The following GMDS variants were observed in gnomAD, a reference collection of about 807,000 sequenced individuals.
The protein encoded by GMDS is GDP-mannose 4,6 dehydratase.
In GMDS, 20 loss-of-function variants were observed where a neutral mutation model predicts 49.9. The ratio of observed to expected loss-of-function variants is 0.40; its 90% CI spans 0.28 to 0.58. GMDS has a LOEUF of 0.58. Among genes scored for constraint, GMDS ranks in the 20% least tolerant of loss-of-function variants. The pLI, the probability that GMDS is intolerant of heterozygous loss-of-function variation, is 0.42. For synonymous variants in GMDS, 177 were observed against 178.6 expected (o/e 0.99, Z 0.07); for missense variants, 362 against 481.4 (o/e 0.75, Z 2.32).
chr6:2,228,412 T>G (rs903678543), intron 1 of GMDS, among the ~76,000 whole-genome samples: 16 of 152,210 alleles, frequency 1.1e-4, no homozygotes, highest in African/African-American at 3.6e-4. Flanking sequence ...TGATCTGCCT[T>G]GAGCTGAGCC....
At chr6:2,174,143 T>C (rs1320791688) in intron 1 of GMDS, among the ~76,000 whole-genome samples, 1 of 152,214 alleles carries the variant, frequency 6.6e-6, no homozygotes, top group African/African-American at 2.4e-5. Context: ...ATTAAGCATC[T>C]TCTGTGTGCA....
chr6:2,006,040 T>C (rs1435765674), intron 4 of GMDS, among the ~76,000 whole-genome samples: 2 of 152,116 alleles, frequency 1.3e-5, no homozygotes, highest in African/African-American at 4.8e-5. Flanking sequence ...TCATTTCTAA[T>C]TCAATCACCT....
At chr6:1,993,848 C>T (rs1437020520) in intron 4 of GMDS, among the ~76,000 whole-genome samples, 1 of 152,006 alleles carries the variant, frequency 6.6e-6, no homozygotes, top group Non-Finnish European at 1.5e-5. Flanking sequence ...GGATTCTTGC[C>T]TAAAAAGCTA....
chr6:2,105,088 T>A (rs1206254509), intron 4 of GMDS, among the ~76,000 whole-genome samples: 16 of 142,590 alleles, frequency 1.1e-4, no homozygotes, highest in East Asian at 6.2e-4. Flanking sequence ...AGGCTGAGGC[T>A]GGAGAATGGC....
chr6:1,937,308 G>A (rs1014948878), intron 6 of GMDS, among the ~76,000 whole-genome samples: 5 of 152,260 alleles, frequency 3.3e-5, no homozygotes, highest in Admixed American at 2.0e-4. Context: ...AAGAAAGCAC[G>A]CCTAGAAAAA....
At chr6:1,868,789 C>T (rs998655855) in intron 7 of GMDS, among the ~76,000 whole-genome samples, 2 of 152,084 alleles carry the variant, frequency 1.3e-5, no homozygotes, top group Admixed American at 1.3e-4. Context: ...TTCAGAGGCT[C>T]AATATCCAGA....
chr6:1,982,549 T>C (rs545020808), intron 4 of GMDS, among the ~76,000 whole-genome samples: 1 of 152,014 alleles, frequency 6.6e-6, no homozygotes, highest in African/African-American at 2.4e-5. Flanking sequence ...AGGATCACTG[T>C]GCAAAAACTA....
intron 4 of GMDS, among the ~76,000 whole-genome samples, chr6:2,102,389 T>C (rs953273643): frequency 6.6e-6 from 1 of 152,230 alleles, no homozygotes; most frequent in South Asian, 2.1e-4. Flanking sequence ...AAAATTAATA[T>C]GCTGGTTTTT....
intron 7 of GMDS, among the ~76,000 whole-genome samples, chr6:1,756,238 G>A (rs1767935613): frequency 1.3e-5 from 2 of 150,632 alleles, no homozygotes; most frequent in South Asian, 4.2e-4. Context: ...CCATCCCAAA[G>A]CTTCATGGCT....
At chr6:2,061,591 C>T (rs4455712) in intron 4 of GMDS, among the ~76,000 whole-genome samples, 1,916 of 151,890 alleles carry the variant, frequency 0.013, 43 homozygotes, top group African/African-American at 0.044. Context: ...TGGTGGTGCA[C>T]GCTTGTAACC....
chr6:1,736,201 C>G (rs1238954338), intron 8 of GMDS, among the ~76,000 whole-genome samples: 1 of 152,092 alleles, frequency 6.6e-6, no homozygotes, highest in Non-Finnish European at 1.5e-5. Context: ...GTCTGTTGCT[C>G]CAACAAAGGC....
intron 7 of GMDS, among the ~76,000 whole-genome samples, chr6:1,875,444 A>C (rs1256842032): frequency 6.6e-6 from 1 of 152,196 alleles, no homozygotes; most frequent in Non-Finnish European, 1.5e-5. Context: ...GTATTACAGA[A>C]AAATTGTAGC....
At chr6:2,139,296 A>T (rs766172779) in intron 1 of GMDS, among the ~76,000 whole-genome samples, 9 of 152,268 alleles carry the variant, frequency 5.9e-5, no homozygotes, top group Admixed American at 1.3e-4. Flanking sequence ...TATTTAATAA[A>T]TACTATAAAG....
At chr6:1,915,511 C>T (rs769343215) in intron 7 of GMDS, among the ~76,000 whole-genome samples, 1 of 152,326 alleles carries the variant, frequency 6.6e-6, no homozygotes, top group East Asian at 1.9e-4. Flanking sequence ...TGGGGCCCTG[C>T]CCAAGGCCGA....
chr6:1,624,016 C>T lies in GMDS; in HGVS notation c.*153G>A, dbSNP rs967650798. 6 of 638,012 alleles carry T rather than the reference C, an allele frequency of 9.4e-6. No individual in the cohort carries two copies. The highest frequency in any genetic ancestry group is 5.8e-5 in the Admixed American group (2 of 34,408). The allele number at this position is 638,012 out of a possible 1,614,324, so 39.5% of individuals were successfully genotyped here. ...CCGGCTGCTACAAACCTCGGCGGGGCGGCCCCGCTCTTGCGGCCGGGACAG... is the reference window on the plus strand; with the variant it reads ...CCGGCTGCTACAAACCTCGGCGGGGTGGCCCCGCTCTTGCGGCCGGGACAG... On this transcript the variant is annotated 3_prime_UTR_variant, in exon 11 of 11. Transcript: ENST00000380815.
In GMDS at chr6:2,139,624, A is replaced by T. The variant is rs552651689; in HGVS notation, c.103-14893T>A. ...TTTACTCTAATTATCCCCACATTAC[A>T]GACAATGGAATTTAGGCAAAAGTAA... On this transcript the variant is annotated intron_variant, in intron 1 of 10. Transcript: ENST00000380815. Among the ~76,000 whole-genome samples, 15 of 152,304 alleles carry T rather than the reference A, an allele frequency of 9.8e-5. No individual in the cohort carries two copies. The East Asian group carries it at 1.7e-3, about 18-fold the overall frequency.
At chr6:2,198,072 GC>G (rs1779351113) in intron 1 of GMDS, among the ~76,000 whole-genome samples, 1 of 152,190 alleles carries the variant, frequency 6.6e-6, no homozygotes, top group Non-Finnish European at 1.5e-5. Flanking sequence ...CGTGCCACAG[GC>G]TTACTGTGAA....
chr6:2,015,913 T>C (rs1197873163), intron 4 of GMDS, among the ~76,000 whole-genome samples: 1 of 152,042 alleles, frequency 6.6e-6, no homozygotes, highest in Non-Finnish European at 1.5e-5. Context: ...CCTCAGTTTA[T>C]GGTTTTTTTC....
At chr6:2,158,809 C>T (rs1358238387) in intron 1 of GMDS, among the ~76,000 whole-genome samples, 1 of 152,198 alleles carries the variant, frequency 6.6e-6, no homozygotes, top group Non-Finnish European at 1.5e-5. Flanking sequence ...CCTTTGCCAA[C>T]CGGCATCAAT....
Sources: allele counts gnomAD v4.1 joint callset (sites outside exome capture counted in the v4.1 genomes callset), GRCh38; gene constraint gnomAD v4.1.1; transcripts MANE v1.5; gene names NCBI Gene and HGNC (gene_info 2026-07-23, HGNC 2026-07-21).